Variants in EYS observed in about 807,000 individuals in gnomAD.
EYS encodes the protein protein eyes shut homolog.
A neutral mutation model predicts 282.1 loss-of-function variants in EYS; 250 were observed. That is an observed-to-expected ratio of 0.89 (90% CI 0.80 to 0.98). The LOEUF (loss-of-function observed/expected upper bound fraction) is 0.98, where lower values mean the gene tolerates loss of function less well. EYS is among the 50% of genes least tolerant of loss of function. The pLI is 0.00. For missense variants in EYS, 4,016 were observed against 3,709.0 expected, an observed-to-expected ratio of 1.08 and a Z score of -2.15; for synonymous variants, 1,355 against 1,282.9, an observed-to-expected ratio of 1.06 and a Z score of -1.20.
intron 26 of EYS, among the ~76,000 whole-genome samples, chr6:64,564,941 AT>A (rs1418077540): frequency 6.6e-6 from 1 of 152,118 alleles, no homozygotes; most frequent in Non-Finnish European, 1.5e-5. Context: ...TATGTTGAAC[AT>A]TTTTTATACA....
intron 24 of EYS, among the ~76,000 whole-genome samples, chr6:64,609,485 T>C (rs2149843464): frequency 6.6e-6 from 1 of 152,226 alleles, no homozygotes; most frequent in Non-Finnish European, 1.5e-5. Flanking sequence ...AGAGAAGTTA[T>C]CAGGAAGGGG....
chr6:65,607,575 C>A (rs1765842597), intron 2 of EYS, among the ~76,000 whole-genome samples: 1 of 151,736 alleles, frequency 6.6e-6, no homozygotes, highest in South Asian at 2.1e-4. Context: ...AAAATAAATA[C>A]TTTTATTTTT....
At chr6:64,258,667 C>T (rs527444906) in intron 30 of EYS, among the ~76,000 whole-genome samples, 2 of 152,060 alleles carry the variant, frequency 1.3e-5, no homozygotes, top group Non-Finnish European at 2.9e-5. Context: ...GATATTAAGT[C>T]ACTGCATTAA....
chr6:65,702,743 C>A (rs894579469), intron 1 of EYS, among the ~76,000 whole-genome samples: 4 of 151,616 alleles, frequency 2.6e-5, no homozygotes, highest in African/African-American at 9.7e-5. Context: ...ATATATAAGG[C>A]AGTGTATAAA....
At chr6:64,481,448 A>G (rs1256464010) in intron 26 of EYS, among the ~76,000 whole-genome samples, 1 of 150,880 alleles carries the variant, frequency 6.6e-6, no homozygotes, top group East Asian at 1.9e-4. Flanking sequence ...AAAAGCCTCT[A>G]TTAATTGAAG....
chr6:64,131,743 A>C (rs1774345920), intron 31 of EYS, among the ~76,000 whole-genome samples: 1 of 152,190 alleles, frequency 6.6e-6, no homozygotes, highest in Admixed American at 6.6e-5. Context: ...TGGGAAGTAG[A>C]TTGAAAAGCA....
chr6:63,781,901 C>T (rs184549605), intron 39 of EYS, among the ~76,000 whole-genome samples: 1 of 152,088 alleles, frequency 6.6e-6, no homozygotes, highest in East Asian at 1.9e-4. Flanking sequence ...ATAAATAGCT[C>T]TTATTATTTT....
chr6:65,041,454 T>C (rs770741847), intron 13 of EYS, among the ~76,000 whole-genome samples: 7 of 151,706 alleles, frequency 4.6e-5, no homozygotes, highest in East Asian at 3.9e-4. Flanking sequence ...TTAAAAACCA[T>C]GCACCCTTGA....
chr6:64,154,633 T>C (rs896201848), intron 31 of EYS, among the ~76,000 whole-genome samples: 1 of 152,174 alleles, frequency 6.6e-6, no homozygotes, highest in Non-Finnish European at 1.5e-5. Flanking sequence ...AAACATAATA[T>C]GTGCTCTTTA....
intron 12 of EYS, among the ~76,000 whole-genome samples, chr6:65,224,231 A>C (rs372631152): frequency 6.6e-6 from 1 of 152,220 alleles, no homozygotes; most frequent in East Asian, 1.9e-4. Context: ...AGGGATCACA[A>C]TGAAATAAGT....
intron 12 of EYS, among the ~76,000 whole-genome samples, chr6:65,103,732 G>A (rs1416666291): frequency 6.6e-6 from 1 of 151,388 alleles, no homozygotes; most frequent in East Asian, 1.9e-4. Flanking sequence ...ATGATGTTAT[G>A]CAGTAAAAAC....
At chr6:64,823,383 T>C (rs1247994867) in intron 19 of EYS, among the ~76,000 whole-genome samples, 1 of 151,810 alleles carries the variant, frequency 6.6e-6, no homozygotes, top group Admixed American at 6.6e-5. Flanking sequence ...AAAAATAAAC[T>C]TCCTGTTCAC....
At chr6:65,341,606 G>T (rs1201254496) in intron 10 of EYS, among the ~76,000 whole-genome samples, 1 of 151,172 alleles carries the variant, frequency 6.6e-6, no homozygotes, top group Non-Finnish European at 1.5e-5. Flanking sequence ...ATGCTTCTGG[G>T]ATTAAGAAGC....
intron 26 of EYS, among the ~76,000 whole-genome samples, chr6:64,572,162 C>A (rs1246018662): frequency 6.6e-6 from 1 of 152,128 alleles, no homozygotes; most frequent in African/African-American, 2.4e-5. Context: ...TAAACAGAAC[C>A]AATAACAAAA....
At chr6:64,671,494 A>G (rs1394376408) in intron 22 of EYS, among the ~76,000 whole-genome samples, 1 of 152,104 alleles carries the variant, frequency 6.6e-6, no homozygotes, top group Non-Finnish European at 1.5e-5. Flanking sequence ...TAAGCCGCCC[A>G]TGTATTATAT....
At chr6:63,821,986 C>T (rs940318863) in intron 36 of EYS, 1 of 152,188 alleles carries the variant, frequency 6.6e-6, no homozygotes, top group Non-Finnish European at 1.5e-5. Flanking sequence ...TTTCCTGTCC[C>T]TGAACTCCAT....
chr6:65,152,076 C>T lies in EYS; in HGVS notation c.2024-94349G>A, dbSNP rs544938006. On this transcript the variant is annotated intron_variant, in intron 12 of 42. Transcript: ENST00000503581. The stretch of plus-strand genomic sequence containing the variant: ...ATAGCAAATTACTTGCAAAAGGCCA[C>T]GAACCAGCATAATATTTCCTAATGT... Among the ~76,000 whole-genome samples the T allele has an allele frequency of 1.1e-4, 16 of 152,046 alleles. 1 individual carries two copies. In the East Asian group the frequency reaches 1.2e-3, roughly 11 times the overall value.
At position 64,388,760 on chromosome 6, in the gene EYS, A is replaced by G. The variant is rs1443942609; in HGVS notation, c.6008T>C (p.Leu2003Pro). 6.5e-7 allele frequency: 1 copy of G among 1,545,312 alleles called. No homozygotes were observed. Among genetic ancestry groups the G allele is most frequent in the African/African-American group, 1.4e-5 (1 of 72,916 alleles). Residue 2003 changes from leucine to proline, a missense_variant, in exon 29 of 43, where the codon CTC (leucine) becomes CCC (proline). Leu to Pro is a moderately conservative substitution (Grantham distance 98, BLOSUM62 -3). Coordinates refer to ENST00000503581, the MANE Select transcript of EYS (RefSeq NM_001142800.2). ...TCCTGATTTTGGCAGGGGTTTTCCG[A>G]GTACATGATTGATAGATTCGCATAT... is the stretch of plus-strand genomic sequence containing the variant. ...TQICESINHV[L>P]GKPLPKSGSV...
intron 27 of EYS, among the ~76,000 whole-genome samples, chr6:64,438,789 C>T (rs1469878276): frequency 1.3e-5 from 2 of 151,530 alleles, no homozygotes; most frequent in Admixed American, 1.3e-4. Flanking sequence ...AGAACACTCT[C>T]TTGTCTTCTG....
Sources: allele counts gnomAD v4.1 joint callset (sites outside exome capture counted in the v4.1 genomes callset), GRCh38; gene constraint gnomAD v4.1.1; transcripts MANE v1.5; gene names NCBI Gene and HGNC (gene_info 2026-07-23, HGNC 2026-07-21).